Variants in LRRC4C observed in about 807,000 individuals in gnomAD.
The protein encoded by LRRC4C is leucine-rich repeat-containing protein 4C.
LRRC4C carries 5 observed loss-of-function variants against 33.6 expected under a neutral mutation model. The ratio of observed to expected loss-of-function variants is 0.15; its 90% CI spans 0.08 to 0.31. The LOEUF is 0.31. Ranked by LOEUF, LRRC4C falls within the 10% of genes least tolerant of loss-of-function variation. LRRC4C has a pLI of 1.00. For missense variants in LRRC4C, 560 were observed against 796.7 expected (o/e 0.70, Z 3.58); for synonymous variants, 329 against 302.0 (o/e 1.09, Z -0.93).
chr11:40,872,560 G>T (rs1230607793), intron 2 of LRRC4C, among the ~76,000 whole-genome samples: 2 of 151,934 alleles, frequency 1.3e-5, no homozygotes, highest in East Asian at 1.9e-4. Flanking sequence ...TCTTCTTAAA[G>T]ACCACTACTT....
intron 1 of LRRC4C, among the ~76,000 whole-genome samples, chr11:41,238,135 A>C (rs1385728218): frequency 6.6e-6 from 1 of 152,136 alleles, no homozygotes; most frequent in East Asian, 1.9e-4. Context: ...ATCCTATTTT[A>C]AGCAGTGTAT....
chr11:40,626,070 T>C (rs1962898927), intron 3 of LRRC4C, among the ~76,000 whole-genome samples: 1 of 152,096 alleles, frequency 6.6e-6, no homozygotes, highest in South Asian at 2.1e-4. Context: ...CCCAACATGT[T>C]CTCCTCACCT....
chr11:41,113,496 C>A (rs1458075672), intron 1 of LRRC4C, among the ~76,000 whole-genome samples: 1 of 152,000 alleles, frequency 6.6e-6, no homozygotes, highest in Non-Finnish European at 1.5e-5. Flanking sequence ...GAAAGTCACT[C>A]AGCAATTCAC....
chr11:40,663,643 G>A (rs1383813782), intron 2 of LRRC4C, among the ~76,000 whole-genome samples: 3 of 152,144 alleles, frequency 2.0e-5, no homozygotes, highest in African/African-American at 7.2e-5. Flanking sequence ...ACAGAAAGAT[G>A]CATATCTAAA....
chr11:41,145,037 G>A lies in LRRC4C; in HGVS notation c.-495-211314C>T, dbSNP rs144170957. Among the ~76,000 whole-genome samples the A allele has an allele frequency of 7.2e-3, 1,094 of 152,190 alleles. 13 individuals carry two copies. Among genetic ancestry groups the A allele is most frequent in the African/African-American group, 0.025 (1,039 of 41,550 alleles). ...TTGGTAAAATAGAGATAATAACATTGTTCACATAATGTTGTATGAGACCTT... is the reference window on the plus strand; with the variant it reads ...TTGGTAAAATAGAGATAATAACATTATTCACATAATGTTGTATGAGACCTT... On this transcript the variant is annotated intron_variant, in intron 1 of 6. Coordinates refer to ENST00000528697, the MANE Select transcript of LRRC4C (RefSeq NM_001258419.2).
chr11:41,084,846 C>T (rs1939843569), intron 1 of LRRC4C, among the ~76,000 whole-genome samples: 1 of 152,070 alleles, frequency 6.6e-6, no homozygotes, highest in South Asian at 2.1e-4. Flanking sequence ...GAGACTCTGT[C>T]TAAAACAAAC....
At chr11:40,469,071 A>G (rs1158842397) in intron 3 of LRRC4C, among the ~76,000 whole-genome samples, 1 of 152,214 alleles carries the variant, frequency 6.6e-6, no homozygotes, top group Non-Finnish European at 1.5e-5. Flanking sequence ...GTACTGGGGA[A>G]AAAGGGAGGC....
At chr11:40,591,705 T>G (rs1185561041) in intron 3 of LRRC4C, among the ~76,000 whole-genome samples, 1 of 152,228 alleles carries the variant, frequency 6.6e-6, no homozygotes, top group Non-Finnish European at 1.5e-5. Flanking sequence ...AATCCTTGAG[T>G]AGACAAAGGC....
At chr11:40,675,192 A>T (rs943185591) in intron 2 of LRRC4C, among the ~76,000 whole-genome samples, 1 of 152,294 alleles carries the variant, frequency 6.6e-6, no homozygotes, top group Non-Finnish European at 1.5e-5. Flanking sequence ...CAGGAGTTGT[A>T]GCATGTTCTA....
chr11:40,872,773 C>T (rs1449385651), intron 2 of LRRC4C, among the ~76,000 whole-genome samples: 1 of 152,036 alleles, frequency 6.6e-6, no homozygotes, highest in Non-Finnish European at 1.5e-5. Flanking sequence ...AAGGGGAAAG[C>T]ATATTTCTCA....
chr11:41,215,722 T>C lies in LRRC4C; in HGVS notation c.-496+243709A>G, dbSNP rs368368203. ...TAGCCTGTATCAGTACTTTCTATTGTATAGATGTATCATATTTTGTATATC... is the reference window on the plus strand; with the variant it reads ...TAGCCTGTATCAGTACTTTCTATTGCATAGATGTATCATATTTTGTATATC... On this transcript the variant is annotated intron_variant, in intron 1 of 6. Coordinates refer to ENST00000528697, the MANE Select transcript of LRRC4C (RefSeq NM_001258419.2). 9.8e-5 allele frequency among the ~76,000 whole-genome samples: 15 copies of C among 152,300 alleles called. No individual in the cohort carries two copies. In the East Asian group the frequency reaches 1.4e-3, roughly 14 times the overall value.
intron 4 of LRRC4C, among the ~76,000 whole-genome samples, chr11:40,264,660 T>C (rs1486558064): frequency 6.6e-6 from 1 of 152,218 alleles, no homozygotes. Context: ...TATTCTATCA[T>C]TCTTTATCTT....
At chr11:40,510,702 A>G (rs1461120169) in intron 3 of LRRC4C, among the ~76,000 whole-genome samples, 2 of 152,164 alleles carry the variant, frequency 1.3e-5, no homozygotes, top group Non-Finnish European at 2.9e-5. Context: ...GAGTGCTTGA[A>G]ATCTGGTGAC....
intron 3 of LRRC4C, among the ~76,000 whole-genome samples, chr11:40,591,530 G>A (rs187695115): frequency 9.9e-5 from 15 of 152,266 alleles, no homozygotes; most frequent in African/African-American, 2.6e-4. Context: ...GCTCACTTAC[G>A]TGACAACTTC....
At chr11:40,308,898 C>A (rs1037168620) in intron 4 of LRRC4C, among the ~76,000 whole-genome samples, 1 of 152,182 alleles carries the variant, frequency 6.6e-6, no homozygotes, top group Non-Finnish European at 1.5e-5. Context: ...GCCAATAAAA[C>A]GGACATGCAT....
chr11:41,267,146 T>C (rs1949177151), intron 1 of LRRC4C, among the ~76,000 whole-genome samples: 1 of 152,012 alleles, frequency 6.6e-6, no homozygotes, highest in Admixed American at 6.6e-5. Flanking sequence ...AGAAGTATTA[T>C]AAGATAAGTG....
intron 4 of LRRC4C, among the ~76,000 whole-genome samples, chr11:40,257,165 T>A (rs1459576614): frequency 6.6e-6 from 1 of 152,164 alleles, no homozygotes. Context: ...TTTCTGACAA[T>A]ATGATGCTAA....
chr11:40,209,408 A>T (rs1863411131), intron 5 of LRRC4C, among the ~76,000 whole-genome samples: 1 of 152,240 alleles, frequency 6.6e-6, no homozygotes, highest in South Asian at 2.1e-4. Flanking sequence ...AACTGGTGAT[A>T]AAGGCTAAAG....
chr11:40,132,981 G>T (rs2134839955), intron 6 of LRRC4C, among the ~76,000 whole-genome samples: 1 of 152,252 alleles, frequency 6.6e-6, no homozygotes, highest in African/African-American at 2.4e-5. Flanking sequence ...TAATGACAAA[G>T]CAAGTAACTA....
Sources: allele counts gnomAD v4.1 joint callset (sites outside exome capture counted in the v4.1 genomes callset), GRCh38; gene constraint gnomAD v4.1.1; transcripts MANE v1.5; gene names NCBI Gene and HGNC (gene_info 2026-07-23, HGNC 2026-07-21).